ABHD6: variants seen among roughly 807,000 people sequenced by gnomAD.
The protein encoded by ABHD6 is monoacylglycerol lipase ABHD6.
A neutral mutation model predicts 38.8 loss-of-function variants in ABHD6; 33 were observed. The observed-to-expected ratio is 0.85, with a 90% CI of 0.64 to 1.14. ABHD6 has a LOEUF of 1.14. Among genes scored for constraint, ABHD6 ranks in the 50% most tolerant of loss-of-function variants. The pLI is 0.00. For missense variants in ABHD6, 380 were observed against 422.6 expected, an observed-to-expected ratio of 0.90 and a Z score of 0.88; for synonymous variants, 147 against 161.6, an observed-to-expected ratio of 0.91 and a Z score of 0.69.
At chr3:58,264,568 G>T (rs1054054543) in intron 3 of ABHD6, among the ~76,000 whole-genome samples, 4 of 151,972 alleles carry the variant, frequency 2.6e-5, no homozygotes, top group Admixed American at 2.0e-4. Context: ...ATATGCACCT[G>T]TAATTTCAGC....
At position 58,293,628 on chromosome 3, in the gene ABHD6, A is replaced by G; in HGVS notation, c.877A>G (p.Ile293Val). ...TGGGGCAGACATGTTGGCCAAGTCA[A>G]TTGCCAACTGCCAGGTGGAGCTTCT... ...VSGADMLAKSIANCQVELLEN... is the reference protein window; with the variant it reads ...VSGADMLAKSVANCQVELLEN... Residue 293 changes from isoleucine to valine, a missense_variant, in exon 10 of 10, where the codon ATT becomes GTT. By Grantham distance (29) the Ile-to-Val change is conservative. Transcript: ENST00000478253. This position sits in a 1 kb window ranked among gnomAD's most constrained non-coding sequence, Gnocchi z 4.4. The G allele has an allele frequency of 1.9e-6, 3 of 1,614,162 alleles. No individual in the cohort carries two copies. Among genetic ancestry groups the G allele is most frequent in the South Asian group, 2.2e-5 (2 of 91,078 alleles).
chr3:58,293,929 G>A lies in ABHD6; in HGVS notation c.*164G>A. 1 of 680,494 alleles carries A rather than the reference G, an allele frequency of 1.5e-6. No individual in the cohort carries two copies. The highest frequency in any genetic ancestry group is 2.3e-6 in the Non-Finnish European group (1 of 435,312). The allele number at this position is 680,494 out of a possible 1,614,324, so 42.2% of individuals were successfully genotyped here. ...GGTATCCACGGTTCCCCAGAGCTTT[G>A]GGGACCACGCGAAAACCTCCAAGAT... On this transcript the variant is annotated 3_prime_UTR_variant, in exon 10 of 10. Transcript: ENST00000478253. This position sits in a 1 kb window ranked among gnomAD's most constrained non-coding sequence, Gnocchi z 4.4.
chr3:58,262,913 A>C (rs1004173655), intron 3 of ABHD6, among the ~76,000 whole-genome samples: 2 of 152,086 alleles, frequency 1.3e-5, no homozygotes, highest in African/African-American at 2.4e-5. Context: ...CTACTAAAAA[A>C]ATACAAAAAT....
intron 3 of ABHD6, chr3:58,258,751 G>T (rs901611758): frequency 1.3e-5 from 2 of 153,212 alleles, no homozygotes; most frequent in Admixed American, 6.5e-5. Context: ...CTTCACTTGA[G>T]TGTGGAATTT....
rs1250583481 is a variant in ABHD6, at chr3:58,287,453, G to T, written c.837+2000G>T. 1.3e-5 allele frequency among the ~76,000 whole-genome samples: 2 copies of T among 151,960 alleles called. No homozygotes were observed. Among genetic ancestry groups the T allele is most frequent in the East Asian group, 3.9e-4 (2 of 5,146 alleles). ...AGCAGCCAGGCTGTGCCCATGGCGT[G>T]TACGCAGAATAAGAGGCAATGGTGT... On this transcript the variant is annotated intron_variant, in intron 9 of 9. Coordinates refer to ENST00000478253, the MANE Select transcript of ABHD6 (RefSeq NM_001320126.2). This position sits in a 1 kb window ranked among gnomAD's most constrained non-coding sequence, Gnocchi z 4.7.
chr3:58,275,661 T>C (rs546354178), intron 7 of ABHD6, among the ~76,000 whole-genome samples: 1 of 152,172 alleles, frequency 6.6e-6, no homozygotes, highest in Non-Finnish European at 1.5e-5. Context: ...TTTTTAAATA[T>C]ACTTTAAGTT....
At position 58,269,181 on chromosome 3, in the gene ABHD6, G is replaced by C. The variant is rs1424364276; in HGVS notation, c.277-140G>C. On this transcript the variant is annotated intron_variant, in intron 4 of 9. Coordinates refer to ENST00000478253, the MANE Select transcript of ABHD6 (RefSeq NM_001320126.2). The surrounding 1 kb of genome is among the most constrained non-coding windows in gnomAD (Gnocchi z 4.4). ...CTGGCAATGCTTATTCAATTACTGG[G>C]GTAAAACACTGAGTGGCCAAGACCC... The C allele has an allele frequency of 1.3e-5, 8 of 613,302 alleles. No homozygotes were observed. In the Admixed American group the frequency reaches 1.5e-4, roughly 11 times the overall value. The allele number at this position is 613,302 out of a possible 1,614,324, so 38.0% of individuals were successfully genotyped here.
chr3:58,246,836 A>G (rs1397940032), intron 1 of ABHD6, among the ~76,000 whole-genome samples: 1 of 152,224 alleles, frequency 6.6e-6, no homozygotes, highest in Non-Finnish European at 1.5e-5. Context: ...CTTAAGGACT[A>G]AAGTTCCTGC....
chr3:58,253,216 G>T (rs2097431185), intron 2 of ABHD6, among the ~76,000 whole-genome samples: 1 of 151,662 alleles, frequency 6.6e-6, no homozygotes, highest in African/African-American at 2.4e-5. Context: ...ATCATCTCCA[G>T]TGTCAGAGTC....
chr3:58,284,953 G>C (rs556252884), intron 7 of ABHD6, 132 bp from the exon 8 acceptor site: 1 of 762,530 alleles, frequency 1.3e-6, no homozygotes, highest in Non-Finnish European at 2.3e-6. Context: ...GGAATTCAGA[G>C]GACCAGGCTC....
intron 1 of ABHD6, among the ~76,000 whole-genome samples, chr3:58,243,798 C>A (rs1034472488): frequency 1.3e-5 from 2 of 151,798 alleles, no homozygotes; most frequent in Non-Finnish European, 1.5e-5. Context: ...GTAGCTGGGA[C>A]GACAGGTGTG....
In ABHD6 at chr3:58,294,722, T is replaced by C. The variant is rs956731739; in HGVS notation, c.*957T>C. The C allele has an allele frequency of 6.6e-6, 1 of 152,588 alleles. No individual in the cohort carries two copies. Among genetic ancestry groups the C allele is most frequent in the Admixed American group, 6.5e-5 (1 of 15,274 alleles). 9.5% of individuals were successfully genotyped at this position (152,588 alleles called of 1,614,324 possible). ...AATGACATGAAATAAATTTAATAAG[T>C]CTAGATCAGCAACATGCAGGTGGTT... is the stretch of plus-strand genomic sequence containing the variant. On this transcript the variant is annotated 3_prime_UTR_variant, in exon 10 of 10. Coordinates refer to ENST00000478253, the MANE Select transcript of ABHD6 (RefSeq NM_001320126.2).
At chr3:58,244,278 A>T (rs936241866) in intron 1 of ABHD6, among the ~76,000 whole-genome samples, 1 of 152,236 alleles carries the variant, frequency 6.6e-6, no homozygotes, top group South Asian at 2.1e-4. Flanking sequence ...AACAATTGAT[A>T]AAGAGAAGGG....
In ABHD6 at chr3:58,256,993, T is replaced by G. The variant is rs1437332366; in HGVS notation, c.119+288T>G. Among the ~76,000 whole-genome samples, 1 of 152,158 alleles carries G rather than the reference T, an allele frequency of 6.6e-6. No individual in the cohort carries two copies. The highest frequency in any genetic ancestry group is 1.5e-5 in the Non-Finnish European group (1 of 68,038). ...ATCTCAGCTCACTGCAACCTCCACCTCCTGGCTTCAATCAATTTTCCTGCT... is the reference window on the plus strand; with the variant it reads ...ATCTCAGCTCACTGCAACCTCCACCGCCTGGCTTCAATCAATTTTCCTGCT... On this transcript the variant is annotated intron_variant, in intron 3 of 9. Coordinates refer to ENST00000478253, the MANE Select transcript of ABHD6 (RefSeq NM_001320126.2). This position sits in a 1 kb window ranked among gnomAD's most constrained non-coding sequence, Gnocchi z 4.3.
At chr3:58,242,355 A>C (rs11130620) in intron 1 of ABHD6, among the ~76,000 whole-genome samples, 46,825 of 152,058 alleles carry the variant, frequency 0.31, 8,161 homozygotes, top group East Asian at 0.77. Context: ...AGCTTGCTTA[A>C]TTTCTCTAGG....
At position 58,267,789 on chromosome 3, in the gene ABHD6, T is replaced by C. The variant is rs1462174222; in HGVS notation, c.276+444T>C. ...GTGGTTCAAGTCATATTAGAACTAATGCAGTGTGGCCTGGCACAGTGGCTC... is the reference window on the plus strand; with the variant it reads ...GTGGTTCAAGTCATATTAGAACTAACGCAGTGTGGCCTGGCACAGTGGCTC... On this transcript the variant is annotated intron_variant, in intron 4 of 9. Transcript: ENST00000478253. This position sits in a 1 kb window ranked among gnomAD's most constrained non-coding sequence, Gnocchi z 4.3. Among the ~76,000 whole-genome samples the C allele has an allele frequency of 2.6e-5, 4 of 152,084 alleles. No homozygotes were observed. The highest frequency in any genetic ancestry group is 9.7e-5 in the African/African-American group (4 of 41,408).
rs1383703770 is a variant in ABHD6 at position 58,251,841 on chromosome 3, G to A, written c.-26+1899G>A. On this transcript the variant is annotated intron_variant, in intron 2 of 9. Coordinates refer to ENST00000478253, the MANE Select transcript of ABHD6 (RefSeq NM_001320126.2). This position sits in a 1 kb window ranked among gnomAD's most constrained non-coding sequence, Gnocchi z 5.4. ...TCTTTTTCAGTGTATTCAGTCAGGC[G>A]ATAAACATGATCAAGCACCAAGTCT... Among the ~76,000 whole-genome samples, 2 of 152,192 alleles carry A rather than the reference G, an allele frequency of 1.3e-5. No homozygotes were observed. The highest frequency in any genetic ancestry group is 2.4e-5 in the African/African-American group (1 of 41,444).
Position 58,294,280 on chromosome 3 carries a change from G to C in ABHD6, c.*515G>C, listed in dbSNP as rs1221998088. On this transcript the variant is annotated 3_prime_UTR_variant, in exon 10 of 10. Transcript: ENST00000478253. ...TGCAGCCCATTGGCTGCAAGACCAG[G>C]GAGGAAAGTGGCAAGCTGTAGAAAA... 1 of 153,216 alleles carries C rather than the reference G, an allele frequency of 6.5e-6. No homozygotes were observed. The highest frequency in any genetic ancestry group is 1.5e-5 in the Non-Finnish European group (1 of 68,596). The allele number at this position is 153,216 out of a possible 1,614,324, so 9.5% of individuals were successfully genotyped here.
chr3:58,281,450 A>C (rs1222539230), intron 7 of ABHD6, among the ~76,000 whole-genome samples: 1 of 152,106 alleles, frequency 6.6e-6, no homozygotes, highest in Non-Finnish European at 1.5e-5. Flanking sequence ...AGACCTTGGG[A>C]AAAGTGCAGT....
Sources: allele counts gnomAD v4.1 joint callset (sites outside exome capture counted in the v4.1 genomes callset), GRCh38; gene constraint gnomAD v4.1.1; non-coding constraint Gnocchi (gnomAD v3.1); transcripts MANE v1.5; gene names NCBI Gene and HGNC (gene_info 2026-07-23, HGNC 2026-07-21).